The following PTPRD variants were observed in gnomAD, a reference collection of about 807,000 sequenced individuals.
The protein encoded by PTPRD is receptor-type tyrosine-protein phosphatase delta.
In PTPRD, 34 loss-of-function variants were observed where a neutral mutation model predicts 214.5. The ratio of observed to expected loss-of-function variants is 0.16; its 90% confidence interval spans 0.12 to 0.21. The LOEUF is 0.21. PTPRD is among the 10% of genes least tolerant of loss of function. PTPRD has a pLI of 1.00. For synonymous variants in PTPRD, 1,128 were observed against 845.7 expected (o/e 1.33, Z -5.79); for missense variants, 2,545 against 2,398.7 (o/e 1.06, Z -1.27).
intron 39 of PTPRD, among the ~76,000 whole-genome samples, chr9:8,358,911 T>C: frequency 6.6e-6 from 1 of 150,812 alleles, no homozygotes; most frequent in African/African-American, 2.4e-5. Context: ...ATCGAGACCA[T>C]CCTGGCTAAC....
At chr9:10,305,183 G>C (rs536884346) in intron 3 of PTPRD, among the ~76,000 whole-genome samples, 42 of 152,120 alleles carry the variant, frequency 2.8e-4, no homozygotes, top group Admixed American at 8.5e-4. Flanking sequence ...AAATGGTGTT[G>C]GGAAAACTGA....
At chr9:10,475,919 T>A (rs576663329) in intron 2 of PTPRD, among the ~76,000 whole-genome samples, 13 of 151,844 alleles carry the variant, frequency 8.6e-5, no homozygotes, top group Non-Finnish European at 1.5e-4. Flanking sequence ...AGGCCTTCAA[T>A]ACAAATTCAA....
chr9:10,373,124 G>C (rs1291806826), intron 2 of PTPRD, among the ~76,000 whole-genome samples: 1 of 147,526 alleles, frequency 6.8e-6, no homozygotes, highest in African/African-American at 2.5e-5. Flanking sequence ...GAGTCACTGT[G>C]CCCGGCCTGT....
At chr9:10,496,367 T>C (rs979602203) in intron 2 of PTPRD, among the ~76,000 whole-genome samples, 4 of 151,994 alleles carry the variant, frequency 2.6e-5, no homozygotes, top group African/African-American at 9.7e-5. Context: ...CCCTACTTTA[T>C]ATAATAAAAC....
chr9:9,291,095 T>A (rs1569567104), intron 9 of PTPRD, among the ~76,000 whole-genome samples: 1 of 151,382 alleles, frequency 6.6e-6, no homozygotes, highest in Non-Finnish European at 1.5e-5. Flanking sequence ...CTAAGAAACT[T>A]AACAGGTAAC....
intron 9 of PTPRD, among the ~76,000 whole-genome samples, chr9:9,330,547 C>A (rs1418584951): frequency 6.6e-6 from 1 of 151,910 alleles, no homozygotes; most frequent in Non-Finnish European, 1.5e-5. Flanking sequence ...ATAGTAAATA[C>A]AATAAGTAAT....
chr9:9,247,685 T>A (rs1483594241), intron 9 of PTPRD, among the ~76,000 whole-genome samples: 1 of 152,078 alleles, frequency 6.6e-6, no homozygotes, highest in Non-Finnish European at 1.5e-5. Flanking sequence ...TGTTTTCTGA[T>A]CTCCAGCAGG....
Position 9,244,431 on chromosome 9 carries a change from A to G in PTPRD, c.-202-61068T>C, listed in dbSNP as rs150489155. ...CCAAAACACCATGGTACTGGTACCA[A>G]TACAGAGATATAGACCAATGGAACA... is the stretch of plus-strand genomic sequence containing the variant. On this transcript the variant is annotated intron_variant, in intron 9 of 45. Coordinates refer to ENST00000381196, the MANE Select transcript of PTPRD (RefSeq NM_002839.4). Among the ~76,000 whole-genome samples, 568 of 152,292 alleles carry G rather than the reference A, an allele frequency of 3.7e-3. 4 individuals are homozygous for G. Among genetic ancestry groups the G allele is most frequent in the Non-Finnish European group, 6.5e-3 (444 of 68,042 alleles).
intron 14 of PTPRD, among the ~76,000 whole-genome samples, chr9:8,533,147 T>G (rs542894159): frequency 1.3e-5 from 2 of 152,212 alleles, no homozygotes; most frequent in African/African-American, 2.4e-5. Flanking sequence ...GCTCTTACTT[T>G]CACTCCACTT....
At chr9:8,915,243 C>T (rs940309346) in intron 11 of PTPRD, among the ~76,000 whole-genome samples, 11 of 151,964 alleles carry the variant, frequency 7.2e-5, no homozygotes, top group Non-Finnish European at 1.3e-4. Flanking sequence ...ATGAGATCAA[C>T]GTTTTGAAGA....
intron 2 of PTPRD, among the ~76,000 whole-genome samples, chr9:10,486,260 C>A (rs2099132452): frequency 6.6e-6 from 1 of 152,122 alleles, no homozygotes; most frequent in African/African-American, 2.4e-5. Context: ...TTTGCCCACG[C>A]CTATGTCCTG....
intron 3 of PTPRD, among the ~76,000 whole-genome samples, chr9:10,226,003 C>T (rs188050512): frequency 3.3e-5 from 5 of 152,152 alleles, no homozygotes; most frequent in Admixed American, 1.3e-4. Flanking sequence ...AGTCCTACTG[C>T]AGTTTAAGGT....
At chr9:9,824,577 A>T (rs1052170172) in intron 5 of PTPRD, among the ~76,000 whole-genome samples, 3 of 152,034 alleles carry the variant, frequency 2.0e-5, no homozygotes, top group Non-Finnish European at 2.9e-5. Flanking sequence ...ATAATAAATT[A>T]TGGTTAGATC....
At chr9:9,204,163 C>G (rs2099943451) in intron 9 of PTPRD, among the ~76,000 whole-genome samples, 1 of 152,158 alleles carries the variant, frequency 6.6e-6, no homozygotes, top group Non-Finnish European at 1.5e-5. Context: ...CTTCTGATTT[C>G]TAATCCAGCC....
At chr9:10,026,025 A>G (rs758641581) in intron 4 of PTPRD, among the ~76,000 whole-genome samples, 4 of 152,206 alleles carry the variant, frequency 2.6e-5, no homozygotes, top group Admixed American at 6.5e-5. Context: ...ATCTCAGTAG[A>G]GTTCACCACT....
At chr9:9,491,592 C>T (rs1424884213) in intron 8 of PTPRD, among the ~76,000 whole-genome samples, 1 of 151,914 alleles carries the variant, frequency 6.6e-6, no homozygotes, top group East Asian at 1.9e-4. Context: ...CCAAGTGTAT[C>T]TTCAAACCAC....
Position 8,486,326 on chromosome 9 carries a change from T to C in PTPRD, c.2491A>G (p.Ile831Val), listed in dbSNP as rs767335518. The C allele has an allele frequency of 1.2e-6, 2 of 1,614,084 alleles. No individual in the cohort carries two copies. The highest frequency in any genetic ancestry group is 2.2e-5 in the South Asian group (2 of 91,082). The change falls in exon 28 of 46, where the codon ATT becomes GTT. Residue 831 changes from isoleucine to valine, a missense_variant. By Grantham distance (29) the Ile-to-Val change is conservative. Coordinates refer to ENST00000381196, the MANE Select transcript of PTPRD (RefSeq NM_002839.4). Reference sequence around the variant, plus strand: ...GCAGTATTCATCTGAGTGTGGTTAATCACAAGCCGAGGTTTCCCTGGAACT... The same window carrying C: ...GCAGTATTCATCTGAGTGTGGTTAACCACAAGCCGAGGTTTCCCTGGAACT... ...GAVPGKPRLV[I>V]NHTQMNTALI...
chr9:9,186,214 C>G (rs988858552), intron 9 of PTPRD, among the ~76,000 whole-genome samples: 12 of 152,046 alleles, frequency 7.9e-5, no homozygotes, highest in Admixed American at 3.3e-4. Flanking sequence ...CATGCTCAAT[C>G]TGGGGGAGAG....
chr9:8,847,649 AAATAT>A (rs1263372885), intron 11 of PTPRD, among the ~76,000 whole-genome samples: 16 of 152,296 alleles, frequency 1.1e-4, no homozygotes, highest in Non-Finnish European at 1.5e-4. Flanking sequence ...ATCATCAAAC[AAATAT>A]AAGATCCTGT....
Sources: allele counts gnomAD v4.1 joint callset (sites outside exome capture counted in the v4.1 genomes callset), GRCh38; gene constraint gnomAD v4.1.1; transcripts MANE v1.5; gene names NCBI Gene and HGNC (gene_info 2026-07-23, HGNC 2026-07-21).